FCRL1: variants seen among roughly 807,000 people sequenced by gnomAD.
FCRL1 encodes Fc receptor like 1.
FCRL1 carries 34 observed loss-of-function variants against 49.2 expected under a neutral mutation model. The ratio of observed to expected loss-of-function variants is 0.69; its 90% confidence interval spans 0.53 to 0.92. FCRL1 has a LOEUF of 0.92. FCRL1 is among the 40% of genes least tolerant of loss of function. The pLI is 0.00. For synonymous variants in FCRL1, 218 were observed against 201.6 expected (o/e 1.08, Z -0.69); for missense variants, 524 against 524.1 (o/e 1.00, Z 0.00).
At chr1:157,803,475 C>G (rs72710024) in intron 3 of FCRL1, among the ~76,000 whole-genome samples, 24,277 of 152,190 alleles carry the variant, frequency 0.16, 1,989 homozygotes, top group East Asian at 0.23. Flanking sequence ...AGTCCTTTAT[C>G]CCCCTTCTCT....
chr1:157,802,058 G>A lies in FCRL1; in HGVS notation c.743C>T (p.Thr248Ile), dbSNP rs774728738. The change falls in exon 5 of 11, where the codon ACC becomes ATC. Residue 248 changes from threonine (T) to isoleucine (I), a missense_variant. Thr to Ile is a moderately conservative substitution (Grantham distance 89). Coordinates refer to ENST00000368176, the MANE Select transcript of FCRL1 (RefSeq NM_052938.5). The stretch of plus-strand genomic sequence containing the variant: ...AGAGGGGGCCGACCTGCTCCCCAGG[G>A]TGATATCCTCGTGATAAAACCAGTA... ...ILYWFYHEDI[T>I]LGSRSAPSGG... The A allele has an allele frequency of 6.2e-7, 1 of 1,614,206 alleles. No individual in the cohort carries two copies. The highest frequency in any genetic ancestry group is 1.1e-5 in the South Asian group (1 of 91,086).
At position 157,820,061 on chromosome 1, in the gene FCRL1, C is replaced by G; in HGVS notation, c.-24G>C. Reference sequence around the variant, plus strand: ...ATGAGGACCAGGTCAGGGATGGTACCTAGAGATGCCTCTCATCAAAAAAAG... The same window carrying G: ...ATGAGGACCAGGTCAGGGATGGTACGTAGAGATGCCTCTCATCAAAAAAAG... On this transcript the variant is annotated 5_prime_UTR_variant, in exon 1 of 11. Transcript: ENST00000368176. The G allele has an allele frequency of 3.7e-6, 6 of 1,614,000 alleles. No individual in the cohort carries two copies. Among genetic ancestry groups the G allele is most frequent in the Non-Finnish European group, 5.1e-6 (6 of 1,179,940 alleles).
chr1:157,816,937 A>G lies in FCRL1; in HGVS notation c.31+3070T>C, dbSNP rs558475975. ...TTATAAAATAATAAAATACTTAGGA[A>G]TAAATTTAACCAAGAAGTTGAAATA... On this transcript the variant is annotated intron_variant, in intron 1 of 10. Coordinates refer to ENST00000368176, the MANE Select transcript of FCRL1 (RefSeq NM_052938.5). Among the ~76,000 whole-genome samples the G allele has an allele frequency of 3.9e-5, 6 of 152,160 alleles. No homozygotes were observed. The South Asian group carries it at 1.2e-3, about 31-fold the overall frequency.
At chr1:157,819,553 A>C (rs1655506010) in intron 1 of FCRL1, among the ~76,000 whole-genome samples, 1 of 152,090 alleles carries the variant, frequency 6.6e-6, no homozygotes, top group African/African-American at 2.4e-5. Context: ...TAGAAACACA[A>C]CTTAGTGGGG....
intron 1 of FCRL1, 133 bp downstream of exon 1, chr1:157,819,874 T>G: frequency 5.0e-6 from 5 of 1,005,966 alleles, no homozygotes; most frequent in Non-Finnish European, 7.6e-6. Context: ...GAGCCCTCCG[T>G]GGAAGTGGAG....
At chr1:157,813,850 G>A (rs1225399254) in intron 1 of FCRL1, among the ~76,000 whole-genome samples, 1 of 152,062 alleles carries the variant, frequency 6.6e-6, no homozygotes, top group South Asian at 2.1e-4. Context: ...AAAACATCAA[G>A]TCATACATAA....
intron 1 of FCRL1, among the ~76,000 whole-genome samples, chr1:157,814,665 T>C (rs1654790794): frequency 1.3e-5 from 2 of 151,920 alleles, no homozygotes; most frequent in South Asian, 4.1e-4. Flanking sequence ...AATTAAAAAA[T>C]ATAGAGTGGC....
chr1:157,807,307 C>T (rs1239474870), intron 1 of FCRL1, among the ~76,000 whole-genome samples, 185 bp from the exon 2 acceptor site: 2 of 152,050 alleles, frequency 1.3e-5, no homozygotes, highest in African/African-American at 4.8e-5. Context: ...TTCTCTTCCT[C>T]CCTCCTTATC....
intron 1 of FCRL1, among the ~76,000 whole-genome samples, chr1:157,810,876 G>A (rs1466858017): frequency 6.6e-6 from 1 of 152,142 alleles, no homozygotes; most frequent in Non-Finnish European, 1.5e-5. Context: ...CTGGGCTCAA[G>A]TGATCCTCTT....
intron 9 of FCRL1, among the ~76,000 whole-genome samples, chr1:157,797,390 C>T (rs867763307): frequency 1.3e-5 from 2 of 152,092 alleles, no homozygotes; most frequent in Admixed American, 6.5e-5. Flanking sequence ...ATTCTGGGCT[C>T]ACCATGTGTA....
intron 1 of FCRL1, among the ~76,000 whole-genome samples, chr1:157,812,553 C>T (rs543081664): frequency 6.6e-6 from 1 of 152,158 alleles, no homozygotes; most frequent in Non-Finnish European, 1.5e-5. Flanking sequence ...TCCTTAGAGC[C>T]ATGATAGTGC....
Position 157,796,039 on chromosome 1 carries a change from A to AT in FCRL1, c.*59dup, listed in dbSNP as rs1230092895. 4.4e-6 allele frequency: 6 copies of AT among 1,374,976 alleles called. No homozygotes were observed. The highest frequency in any genetic ancestry group is 6.2e-6 in the Non-Finnish European group (6 of 962,230). 85.2% of individuals were successfully genotyped at this position (1,374,976 alleles called of 1,614,324 possible). On this transcript the variant is annotated 3_prime_UTR_variant, in exon 11 of 11. Coordinates refer to ENST00000368176, the MANE Select transcript of FCRL1 (RefSeq NM_052938.5). Reference sequence around the variant, plus strand: ...TAATGCCCCAGGATCTCTGAAGAACATATCAGGCCTGAGGCTTGGGGTCAT... The same window carrying AT: ...TAATGCCCCAGGATCTCTGAAGAACATTATCAGGCCTGAGGCTTGGGGTCAT...
intron 2 of FCRL1, among the ~76,000 whole-genome samples, chr1:157,804,943 T>C (rs917646358): frequency 6.6e-6 from 1 of 151,754 alleles, no homozygotes; most frequent in South Asian, 2.1e-4. Context: ...CACTGCAACC[T>C]CAACCTCCTG....
chr1:157,798,848 T>C (rs1419454265), intron 7 of FCRL1, among the ~76,000 whole-genome samples: 1 of 152,218 alleles, frequency 6.6e-6, no homozygotes, highest in Non-Finnish European at 1.5e-5. Context: ...GAAATGTACA[T>C]GTATCTTACC....
At chr1:157,798,138 C>T in intron 8 of FCRL1, 23 bp downstream of exon 8, 1 of 1,603,910 alleles carries the variant, frequency 6.2e-7, no homozygotes, top group Non-Finnish European at 8.5e-7. Flanking sequence ...CATCGTTGGC[C>T]TGGGCCATTT....
At chr1:157,807,011 G>T in intron 2 of FCRL1, 91 bp downstream of exon 2, 4 of 1,431,608 alleles carry the variant, frequency 2.8e-6, no homozygotes, top group Middle Eastern at 1.8e-4. Context: ...GCAGGAAGGG[G>T]CTGCTAAGAC....
chr1:157,804,244 C>T, intron 2 of FCRL1, 133 bp from the exon 3 acceptor site: 3 of 1,043,330 alleles, frequency 2.9e-6, no homozygotes, highest in Non-Finnish European at 4.0e-6. Flanking sequence ...CTACATGTCT[C>T]CACCCCCCCC....
At chr1:157,806,970 C>T in intron 2 of FCRL1, 132 bp downstream of exon 2, 5 of 949,018 alleles carry the variant, frequency 5.3e-6, no homozygotes, top group South Asian at 4.8e-5. Context: ...TGTTTGTACA[C>T]CTCAGCAGCT....
At chr1:157,797,974 C>T in intron 8 of FCRL1, 35 bp from the exon 9 acceptor site, 1 of 1,602,830 alleles carries the variant, frequency 6.2e-7, no homozygotes, top group Non-Finnish European at 8.5e-7. Context: ...ATGACACAGC[C>T]CCTGATTCCT....
Sources: gnomAD v4.1 joint callset for allele counts (sites outside exome capture counted in the v4.1 genomes callset) on GRCh38, gnomAD v4.1.1 for gene constraint, MANE v1.5 for transcripts, NCBI Gene and HGNC (gene_info 2026-07-23, HGNC 2026-07-21) for gene names.